The following SCAPER variants were observed in gnomAD, a reference collection of about 807,000 sequenced individuals.
The protein encoded by SCAPER is S-phase cyclin A associated protein in the ER, also known as S phase cyclin A-associated protein in the endoplasmic reticulum.
Under a neutral mutation model 182.2 loss-of-function variants are expected in SCAPER, and 98 were observed. The observed-to-expected ratio is 0.54, with a 90% CI of 0.46 to 0.64. The LOEUF is 0.64. Ranked by LOEUF, SCAPER falls within the 30% of genes least tolerant of loss-of-function variation. The probability of loss-of-function intolerance (pLI) is 0.00; values close to 1 mark genes in which losing one functional copy is unlikely to be tolerated. For synonymous variants in SCAPER, 605 were observed against 564.6 expected (o/e 1.07, Z -1.01); for missense variants, 1,432 against 1,690.0 (o/e 0.85, Z 2.68).
At chr15:76,821,387 G>A (rs1463077001) in intron 5 of SCAPER, among the ~76,000 whole-genome samples, 1 of 152,206 alleles carries the variant, frequency 6.6e-6, no homozygotes, top group Non-Finnish European at 1.5e-5. Context: ...GGGAGGCCAG[G>A]GCCGAGAAAT....
chr15:76,581,070 C>T (rs146907765), intron 22 of SCAPER, among the ~76,000 whole-genome samples: 1 of 152,228 alleles, frequency 6.6e-6, no homozygotes, highest in African/African-American at 2.4e-5. Flanking sequence ...AATTCCTACA[C>T]ATATACAACC....
intron 25 of SCAPER, among the ~76,000 whole-genome samples, chr15:76,459,359 GCATATATA>G (rs1249136944): frequency 1.3e-5 from 2 of 152,082 alleles, no homozygotes; most frequent in African/African-American, 4.8e-5. Flanking sequence ...ATGTGTGTGT[GCATATATA>G]CATATTCTGT....
At chr15:76,753,718 T>C in intron 15 of SCAPER, 90 bp downstream of exon 15, 1 of 1,393,370 alleles carries the variant, frequency 7.2e-7, no homozygotes, top group South Asian at 1.5e-5. Context: ...GAATAAACAT[T>C]GGATAAACAT....
chr15:76,686,755 A>C (rs980886729), intron 20 of SCAPER, among the ~76,000 whole-genome samples: 6 of 152,184 alleles, frequency 3.9e-5, no homozygotes, highest in African/African-American at 1.4e-4. Context: ...GGATGAATAT[A>C]AGCATTATAA....
chr15:76,848,132 C>T (rs1411299426), intron 4 of SCAPER, among the ~76,000 whole-genome samples: 1 of 151,758 alleles, frequency 6.6e-6, no homozygotes, highest in African/African-American at 2.4e-5. Flanking sequence ...CTCAGCCTCC[C>T]GAGTAGCTGG....
In SCAPER at chr15:76,835,742, G is replaced by A. The variant is rs144620105; in HGVS notation, c.393+5992C>T. 9.1e-4 allele frequency among the ~76,000 whole-genome samples: 139 copies of A among 152,176 alleles called. 1 individual carries two copies. The East Asian group carries it at 0.025, about 28-fold the overall frequency. On this transcript the variant is annotated intron_variant, in intron 5 of 31. Transcript: ENST00000563290. ...TAAAAGGCATCCAAATAGGAAGAGA[G>A]GAAGTCAAGCTGTCTCTGCAGACAA...
intron 5 of SCAPER, among the ~76,000 whole-genome samples, chr15:76,827,431 C>T (rs886184362): frequency 6.6e-6 from 1 of 152,138 alleles, no homozygotes; most frequent in African/African-American, 2.4e-5. Flanking sequence ...CCAAAAAAGT[C>T]AACTAAGACC....
Position 76,861,606 on chromosome 15 carries a change from G to A in SCAPER, c.124+810C>T, listed in dbSNP as rs1443872874. ...TAGCCATTAAAGGGAGGGTAGAGAT[G>A]ATTTTTTTTCTTGTTCAAATAATAA... On this transcript the variant is annotated intron_variant, in intron 3 of 31. Coordinates refer to ENST00000563290, the MANE Select transcript of SCAPER (RefSeq NM_020843.4). Among the ~76,000 whole-genome samples the A allele has an allele frequency of 2.6e-5, 4 of 152,146 alleles. No homozygotes were observed. In the East Asian group the frequency reaches 7.7e-4, roughly 29 times the overall value.
At chr15:76,446,228 G>C (rs1028813753) in intron 25 of SCAPER, among the ~76,000 whole-genome samples, 6 of 152,164 alleles carry the variant, frequency 3.9e-5, no homozygotes, top group African/African-American at 1.4e-4. Context: ...TTCTGAGCCT[G>C]AGTCTTTAAC....
intron 14 of SCAPER, among the ~76,000 whole-genome samples, chr15:76,762,978 G>T (rs868670000): frequency 3.9e-5 from 6 of 151,914 alleles, no homozygotes; most frequent in South Asian, 4.2e-4. Flanking sequence ...TTTATATTGG[G>T]GTTACCAGTT....
chr15:76,851,286 CT>C (rs1241578684), intron 4 of SCAPER, among the ~76,000 whole-genome samples: 22 of 152,096 alleles, frequency 1.4e-4, no homozygotes, highest in Admixed American at 6.6e-4. Context: ...TCCATGATAA[CT>C]TTCCCAACCT....
At chr15:76,515,056 G>A (rs1019388447) in intron 23 of SCAPER, among the ~76,000 whole-genome samples, 4 of 152,204 alleles carry the variant, frequency 2.6e-5, no homozygotes, top group Non-Finnish European at 5.9e-5. Flanking sequence ...AAAACATACT[G>A]TGGGAAGGTG....
intron 17 of SCAPER, among the ~76,000 whole-genome samples, chr15:76,726,704 T>A (rs544774896): frequency 6.6e-6 from 1 of 152,198 alleles, no homozygotes; most frequent in African/African-American, 2.4e-5. Context: ...ACAACATGGA[T>A]GAAACTTGAA....
intron 26 of SCAPER, among the ~76,000 whole-genome samples, chr15:76,413,071 T>A (rs562601843): frequency 6.6e-6 from 1 of 152,350 alleles, no homozygotes; most frequent in South Asian, 2.1e-4. Context: ...AAGTTATATT[T>A]GTATATTCAA....
In SCAPER at chr15:76,599,618, CAA is replaced by C. The variant is rs1037479633; in HGVS notation, c.2711+22144_2711+22145del. ...CATGCTGAATGAAAGAAGGCTTATA[CAA>C]AAGAGTACATACTATTTGATTTCAT... is the stretch of plus-strand genomic sequence containing the variant. On this transcript the variant is annotated intron_variant, in intron 22 of 31. Coordinates refer to ENST00000563290, the MANE Select transcript of SCAPER (RefSeq NM_020843.4). Among the ~76,000 whole-genome samples, 12 of 121,884 alleles carry C rather than the reference CAA, an allele frequency of 9.8e-5. 1 individual carries two copies. Among genetic ancestry groups the C allele is most frequent in the African/African-American group, 3.0e-4 (12 of 39,932 alleles). The allele number at this position is 121,884 out of a possible 152,430, so 80.0% of individuals were successfully genotyped here.
intron 24 of SCAPER, among the ~76,000 whole-genome samples, 176 bp from the exon 25 acceptor site, chr15:76,471,511 T>C (rs1346904218): frequency 6.6e-6 from 1 of 152,314 alleles, no homozygotes; most frequent in Admixed American, 6.5e-5. Flanking sequence ...AAGCTTATAA[T>C]TTTCACCCAA....
At chr15:76,837,945 G>A (rs556926570) in intron 5 of SCAPER, among the ~76,000 whole-genome samples, 21 of 152,312 alleles carry the variant, frequency 1.4e-4, no homozygotes, top group Admixed American at 2.6e-4. Flanking sequence ...CTTATACACT[G>A]CTGGTGGGAA....
intron 24 of SCAPER, among the ~76,000 whole-genome samples, chr15:76,485,453 T>C (rs538611116): frequency 1.3e-5 from 2 of 152,260 alleles, no homozygotes; most frequent in South Asian, 2.1e-4. Context: ...AAAATGGCCA[T>C]ATTGCCCAAA....
intron 6 of SCAPER, among the ~76,000 whole-genome samples, chr15:76,802,249 C>A (rs1276493171): frequency 6.6e-6 from 1 of 152,130 alleles, no homozygotes; most frequent in Admixed American, 6.5e-5. Context: ...AATCAGGGCT[C>A]ATGAGGATTA....
Sources: gnomAD v4.1 joint callset for allele counts (sites outside exome capture counted in the v4.1 genomes callset) on GRCh38, gnomAD v4.1.1 for gene constraint, MANE v1.5 for transcripts, NCBI Gene and HGNC (gene_info 2026-07-23, HGNC 2026-07-21) for gene names.